The following BAZ2B variants were observed in gnomAD, a reference collection of about 807,000 sequenced individuals.
BAZ2B encodes bromodomain adjacent to zinc finger domain 2B, also known as bromodomain adjacent to zinc finger domain protein 2B.
A neutral mutation model predicts 246.0 loss-of-function variants in BAZ2B; 91 were observed. The observed-to-expected ratio is 0.37, with a 90% CI of 0.31 to 0.44. BAZ2B has a LOEUF of 0.44. Among genes scored for constraint, BAZ2B ranks in the 20% least tolerant of loss-of-function variants. The pLI, the probability that BAZ2B is intolerant of heterozygous loss-of-function variation, is 1.00. For synonymous variants in BAZ2B, 855 were observed against 860.0 expected, an observed-to-expected ratio of 0.99 and a Z score of 0.10; for missense variants, 2,332 against 2,533.7, an observed-to-expected ratio of 0.92 and a Z score of 1.71.
chr2:159,577,994 T>C (rs1678567804), intron 1 of BAZ2B, among the ~76,000 whole-genome samples: 1 of 152,164 alleles, frequency 6.6e-6, no homozygotes, highest in African/African-American at 2.4e-5. Flanking sequence ...TGTCATTAAT[T>C]ACCTACCAAG....
At chr2:159,646,547 T>C in the BAZ2B span, among the ~76,000 whole-genome samples, 1 of 152,186 alleles carries the variant, frequency 6.6e-6, no homozygotes, top group Non-Finnish European at 1.5e-5. Context: ...TAAGTATCCA[T>C]GAAATCTTCA....
At chr2:159,540,269 A>C (rs2086504069) in intron 2 of BAZ2B, among the ~76,000 whole-genome samples, 1 of 152,182 alleles carries the variant, frequency 6.6e-6, no homozygotes, top group African/African-American at 2.4e-5. Flanking sequence ...AATGGCTAAA[A>C]ATTCCTACCT....
intron 36 of BAZ2B, among the ~76,000 whole-genome samples, chr2:159,322,999 T>TA (rs1461710058): frequency 6.6e-6 from 1 of 151,594 alleles, no homozygotes; most frequent in Non-Finnish European, 1.5e-5. Context: ...TGTAGCTTTT[T>TA]TTTTTTTTTT....
At chr2:159,546,963 T>A (rs1288252208) in intron 2 of BAZ2B, among the ~76,000 whole-genome samples, 1 of 152,130 alleles carries the variant, frequency 6.6e-6, no homozygotes, top group African/African-American at 2.4e-5. Context: ...TAGTGCCAAG[T>A]GTCTACGTTT....
rs1173393613 is a variant in BAZ2B at position 159,478,516 on chromosome 2, T to A, written c.145+59A>T. 4 of 1,517,586 alleles carry A rather than the reference T, an allele frequency of 2.6e-6. No homozygotes were observed. The Admixed American group carries it at 8.1e-5, about 31-fold the overall frequency. 94.0% of individuals were successfully genotyped at this position (1,517,586 alleles called of 1,614,324 possible). A position where few individuals can be genotyped will look rare whatever the true frequency, so the allele number is the denominator to read the frequency against. Reference sequence around the variant, plus strand: ...ATATTTTATTCAGTGCTCAATAAAATATTATGCAAATTATTAAAAGAATGG... The same window carrying A: ...ATATTTTATTCAGTGCTCAATAAAAAATTATGCAAATTATTAAAAGAATGG... On this transcript the variant is annotated intron_variant, in intron 3 of 36. Transcript: ENST00000392783.
intron 16 of BAZ2B, chr2:159,404,642 T>C (rs1008167570): frequency 1.0e-5 from 5 of 489,796 alleles, no homozygotes; most frequent in Non-Finnish European, 1.8e-5. Context: ...ATTTACTGTT[T>C]GGTAATCATT....
chr2:159,453,238 A>G (rs2075318619), intron 4 of BAZ2B, among the ~76,000 whole-genome samples: 3 of 152,212 alleles, frequency 2.0e-5, no homozygotes, highest in African/African-American at 7.2e-5. Flanking sequence ...TTAGTTTCAC[A>G]CTAAATAATT....
In BAZ2B at chr2:159,373,139, A is replaced by G; in HGVS notation, c.4119T>C (p.Arg1373=). ...RKLFDASHSL[R]SVMFGQDRYR... ...AACGATCTTGGCCAAACATCACTGAACGCAATGAGTGAGACGCATCAAAGA... is the reference window on the plus strand; with the variant it reads ...AACGATCTTGGCCAAACATCACTGAGCGCAATGAGTGAGACGCATCAAAGA... The change falls in exon 27 of 37, where the codon CGT becomes CGC. Residue 1373 remains arginine, a synonymous_variant. Transcript: ENST00000392783. The G allele has an allele frequency of 1.2e-6, 2 of 1,614,056 alleles. No individual in the cohort carries two copies. Among genetic ancestry groups the G allele is most frequent in the South Asian group, 2.2e-5 (2 of 91,078 alleles).
intron 13 of BAZ2B, among the ~76,000 whole-genome samples, chr2:159,416,544 C>T (rs1316053719): frequency 6.6e-6 from 1 of 152,172 alleles, no homozygotes; most frequent in Non-Finnish European, 1.5e-5. Context: ...AACAAATCTG[C>T]ATTTGGTTTT....
chr2:159,697,066 G>A, the BAZ2B span, among the ~76,000 whole-genome samples: 2 of 152,168 alleles, frequency 1.3e-5, no homozygotes, highest in Non-Finnish European at 2.9e-5. Flanking sequence ...GATTACAGGT[G>A]TGAGTCACTG....
At chr2:159,397,902 C>T (rs2064296974) in intron 18 of BAZ2B, among the ~76,000 whole-genome samples, 1 of 151,956 alleles carries the variant, frequency 6.6e-6, no homozygotes, top group Non-Finnish European at 1.5e-5. Flanking sequence ...GTGACAAAAA[C>T]TAGGCAATCA....
At chr2:159,695,387 T>C in the BAZ2B span, 10 of 152,138 alleles carry the variant, frequency 6.6e-5, no homozygotes, top group African/African-American at 2.2e-4. Flanking sequence ...TTTATCTAGT[T>C]TTCTTTGGTT....
At chr2:159,552,376 C>T (rs1578306949) in intron 2 of BAZ2B, among the ~76,000 whole-genome samples, 1 of 152,250 alleles carries the variant, frequency 6.6e-6, no homozygotes, top group East Asian at 1.9e-4. Flanking sequence ...GGATATATCA[C>T]TGAACTTTAT....
the BAZ2B span, among the ~76,000 whole-genome samples, chr2:159,698,026 C>A: frequency 2.0e-5 from 3 of 151,994 alleles, no homozygotes; most frequent in Admixed American, 6.6e-5. Context: ...TTAACAATAC[C>A]TATTATAAGA....
At chr2:159,539,960 T>C (rs555135273) in intron 2 of BAZ2B, among the ~76,000 whole-genome samples, 1 of 152,278 alleles carries the variant, frequency 6.6e-6, no homozygotes, top group South Asian at 2.1e-4. Flanking sequence ...CTGACTGTTA[T>C]ATGTATGTTG....
the BAZ2B span, among the ~76,000 whole-genome samples, chr2:159,674,389 GAAA>G: frequency 7.2e-6 from 1 of 139,342 alleles, no homozygotes; most frequent in Non-Finnish European, 1.6e-5. Flanking sequence ...GGGAAGAAAA[GAAA>G]AGAAAAGAGA....
At chr2:159,324,678 ACACACACACACCTGC>A in intron 36 of BAZ2B, 118 bp downstream of exon 36, 1 of 220,846 alleles carries the variant, frequency 4.5e-6, no homozygotes, top group Non-Finnish European at 7.8e-6. Flanking sequence ...ACACACACAC[ACACACACACACCTGC>A]CTCAAAGGCA....
chr2:159,327,209 G>A (rs1306373339), intron 34 of BAZ2B, among the ~76,000 whole-genome samples: 1 of 152,074 alleles, frequency 6.6e-6, no homozygotes, highest in Non-Finnish European at 1.5e-5. Flanking sequence ...GAGCCACCAT[G>A]CCTGGCTAAT....
At chr2:159,327,962 G>A (rs1220816882) in intron 34 of BAZ2B, among the ~76,000 whole-genome samples, 1 of 151,036 alleles carries the variant, frequency 6.6e-6, no homozygotes, top group Non-Finnish European at 1.5e-5. Context: ...CTACTTAGGA[G>A]GTTGAGGCAC....
Sources: allele counts gnomAD v4.1 joint callset (sites outside exome capture counted in the v4.1 genomes callset), GRCh38; gene constraint gnomAD v4.1.1; transcripts MANE v1.5; gene names NCBI Gene and HGNC (gene_info 2026-07-23, HGNC 2026-07-21).